SLC13A1: variants seen among roughly 807,000 people sequenced by gnomAD.
SLC13A1 encodes solute carrier family 13 member 1.
Under a neutral mutation model 70.0 loss-of-function variants are expected in SLC13A1, and 65 were observed. That is an observed-to-expected ratio of 0.93 (90% confidence interval 0.76 to 1.14). The LOEUF is 1.14. Among genes scored for constraint, SLC13A1 ranks in the 50% most tolerant of loss-of-function variants. The pLI is 0.00. For synonymous variants in SLC13A1, 275 were observed against 250.5 expected, an observed-to-expected ratio of 1.10 and a Z score of -0.92; for missense variants, 726 against 717.8, an observed-to-expected ratio of 1.01 and a Z score of -0.13.
chr7:123,159,456 G>A (rs1356297347), intron 6 of SLC13A1, among the ~76,000 whole-genome samples: 4 of 152,156 alleles, frequency 2.6e-5, no homozygotes, highest in Admixed American at 2.0e-4. Context: ...CCTTGTACAA[G>A]CCAGAAAGAG....
At chr7:123,197,360 A>C (rs889633064) in intron 1 of SLC13A1, among the ~76,000 whole-genome samples, 4 of 152,056 alleles carry the variant, frequency 2.6e-5, no homozygotes, top group Admixed American at 2.6e-4. Context: ...GTTTCCATTG[A>C]ATGTTTTAAT....
intron 6 of SLC13A1, among the ~76,000 whole-genome samples, chr7:123,156,527 A>G (rs1794722647): frequency 6.6e-6 from 1 of 152,160 alleles, no homozygotes; most frequent in Admixed American, 6.6e-5. Context: ...GAATTGAGAC[A>G]GTGGGAACCT....
chr7:123,127,685 T>C (rs1232495564), intron 10 of SLC13A1, among the ~76,000 whole-genome samples: 12 of 151,994 alleles, frequency 7.9e-5, no homozygotes, highest in Admixed American at 7.2e-4. Flanking sequence ...TGTGTGGTCA[T>C]TAGGAATTTG....
intron 10 of SLC13A1, among the ~76,000 whole-genome samples, chr7:123,127,901 CAT>C (rs1411844306): frequency 7.9e-6 from 1 of 126,542 alleles, no homozygotes; most frequent in African/African-American, 3.1e-5. Context: ...CCAAGTAAGA[CAT>C]GTGCTGAATT....
intron 6 of SLC13A1, among the ~76,000 whole-genome samples, chr7:123,161,925 GTTA>G (rs1338569567): frequency 6.6e-6 from 1 of 151,432 alleles, no homozygotes; most frequent in Non-Finnish European, 1.5e-5. Flanking sequence ...ATCTTATTTT[GTTA>G]TTCTTCAAAA....
chr7:123,197,053 T>C (rs771348139), intron 1 of SLC13A1, among the ~76,000 whole-genome samples: 5 of 152,168 alleles, frequency 3.3e-5, no homozygotes, highest in African/African-American at 1.2e-4. Flanking sequence ...GGAAAGCAGT[T>C]GGCAGAATGC....
chr7:123,144,825 A>G (rs1158866393), intron 7 of SLC13A1, among the ~76,000 whole-genome samples: 1 of 152,188 alleles, frequency 6.6e-6, no homozygotes, highest in East Asian at 1.9e-4. Context: ...TGCAAAACAA[A>G]TAACTTTAAT....
At chr7:123,169,778 C>CTGTT (rs144389132) in intron 3 of SLC13A1, among the ~76,000 whole-genome samples, 3,535 of 152,188 alleles carry the variant, frequency 0.023, 133 homozygotes, top group African/African-American at 0.081. Flanking sequence ...AGCCATAACT[C>CTGTT]TGTTCATAGG....
intron 2 of SLC13A1, among the ~76,000 whole-genome samples, chr7:123,175,997 C>G (rs1015755416): frequency 6.6e-6 from 1 of 152,154 alleles, no homozygotes; most frequent in African/African-American, 2.4e-5. Flanking sequence ...AATTATTCAA[C>G]TCTGTCATGG....
At chr7:123,173,618 A>G (rs1795345334) in intron 2 of SLC13A1, among the ~76,000 whole-genome samples, 1 of 152,104 alleles carries the variant, frequency 6.6e-6, no homozygotes. Context: ...TTTTCGTAGT[A>G]TATACATTAC....
Position 123,171,758 on chromosome 7 carries a change from C to CA in SLC13A1, c.365+9dup. 6.2e-7 allele frequency: 1 copy of CA among 1,613,316 alleles called. No homozygotes were observed. The highest frequency in any genetic ancestry group is 8.5e-7 in the Non-Finnish European group (1 of 1,179,610). ...GCAGGTAAACTGGAAGCAGTAAATG[C>CA]AGTACTTACCATGCAGGATTTACAC... On this transcript the variant is annotated intron_variant, in intron 3 of 14. Transcript: ENST00000194130.
intron 4 of SLC13A1, 54 bp downstream of exon 4, chr7:123,169,094 A>G (rs1326807358): frequency 6.6e-7 from 1 of 1,510,546 alleles, no homozygotes; most frequent in Admixed American, 1.7e-5. Context: ...TCTTGAGTTT[A>G]TGTCTATTGC....
At chr7:123,143,884 G>A (rs1794248970) in intron 7 of SLC13A1, among the ~76,000 whole-genome samples, 1 of 152,100 alleles carries the variant, frequency 6.6e-6, no homozygotes, top group South Asian at 2.1e-4. Context: ...CCACTAAGTT[G>A]ATTGCCATTT....
chr7:123,149,252 G>A (rs1433693740), intron 6 of SLC13A1, among the ~76,000 whole-genome samples: 1 of 152,074 alleles, frequency 6.6e-6, no homozygotes, highest in Non-Finnish European at 1.5e-5. Context: ...TATGGTCCAA[G>A]GGAAACAGTC....
chr7:123,176,924 G>T (rs976161787), intron 2 of SLC13A1, among the ~76,000 whole-genome samples: 9 of 152,022 alleles, frequency 5.9e-5, no homozygotes, highest in African/African-American at 2.2e-4. Context: ...TTCACTCCCT[G>T]AGTGATCTCA....
rs577685920 is a variant in SLC13A1 at position 123,135,878 on chromosome 7, G to T, written c.813-1349C>A. On this transcript the variant is annotated intron_variant, in intron 7 of 14. Transcript: ENST00000194130. Reference sequence around the variant, plus strand: ...TTTATGCAATTAGAAAGTGACAAATGATAATTAAAGATGTTAGAAAATGTG... The same window carrying T: ...TTTATGCAATTAGAAAGTGACAAATTATAATTAAAGATGTTAGAAAATGTG... Among the ~76,000 whole-genome samples, 48 of 152,280 alleles carry T rather than the reference G, an allele frequency of 3.2e-4. No homozygotes were observed. In the South Asian group the frequency reaches 9.9e-3, roughly 32 times the overall value.
Position 123,115,625 on chromosome 7 carries a change from C to G in SLC13A1, c.1681G>C (p.Gly561Arg), listed in dbSNP as rs1330905743. 6.2e-7 allele frequency: 1 copy of G among 1,613,802 alleles called. No individual in the cohort carries two copies. Among genetic ancestry groups the G allele is most frequent in the South Asian group, 1.1e-5 (1 of 91,058 alleles). The change falls in exon 15 of 15, where the codon GGT (glycine) becomes CGT (arginine). Residue 561 changes from glycine (G) to arginine (R), a missense_variant. Transcript: ENST00000194130. ...VKAGLGVNIV[G>R]VAVVMLGICT... ...ATGCCAAGCATAACCACAGCAACACCAACAATGTTGACACCAAGTCCAGCT... is the reference window on the plus strand; with the variant it reads ...ATGCCAAGCATAACCACAGCAACACGAACAATGTTGACACCAAGTCCAGCT...
At chr7:123,160,152 T>TC (rs1306234935) in intron 6 of SLC13A1, among the ~76,000 whole-genome samples, 8 of 151,124 alleles carry the variant, frequency 5.3e-5, no homozygotes, top group African/African-American at 1.7e-4. Context: ...GCACCTGTAA[T>TC]CCCAGCTACT....
chr7:123,169,172 T>C lies in SLC13A1; in HGVS notation c.529A>G (p.Thr177Ala), dbSNP rs1055974784. 1.9e-6 allele frequency: 3 copies of C among 1,613,952 alleles called. No homozygotes were observed. Among genetic ancestry groups the C allele is most frequent in the Admixed American group, 1.7e-5 (1 of 60,000 alleles). ...ATQMTYFNGS[T>A]NHGLEIDESV... is the part of the protein sequence containing the mutation. Reference sequence around the variant, plus strand: ...CCATCAATTTCTAGTCCGTGGTTGGTTGATCCGTTGAAGTAAGTCATCTGA... The same window carrying C: ...CCATCAATTTCTAGTCCGTGGTTGGCTGATCCGTTGAAGTAAGTCATCTGA... The change falls in exon 4 of 15, where the codon ACC (threonine) becomes GCC (alanine). Residue 177 changes from threonine to alanine, a missense_variant. Thr to Ala is a moderately conservative substitution (Grantham distance 58). Transcript: ENST00000194130.
Sources: allele counts gnomAD v4.1 joint callset (sites outside exome capture counted in the v4.1 genomes callset), GRCh38; gene constraint gnomAD v4.1.1; transcripts MANE v1.5; gene names NCBI Gene and HGNC (gene_info 2026-07-23, HGNC 2026-07-21).